MTURN: variants seen among roughly 807,000 people sequenced by gnomAD.
MTURN encodes the protein maturin.
MTURN carries 7 observed loss-of-function variants against 14.9 expected under a neutral mutation model. That is an observed-to-expected ratio of 0.47 (90% CI 0.27 to 0.88). MTURN has a LOEUF of 0.88. Among genes scored for constraint, MTURN ranks in the 40% least tolerant of loss-of-function variants. The pLI is 0.14. For missense variants in MTURN, 151 were observed against 174.1 expected, an observed-to-expected ratio of 0.87 and a Z score of 0.75; for synonymous variants, 69 against 72.5, an observed-to-expected ratio of 0.95 and a Z score of 0.25.
chr7:30,156,191 A>ACC (rs1322304076), intron 2 of MTURN, among the ~76,000 whole-genome samples: 1 of 152,238 alleles, frequency 6.6e-6, no homozygotes, highest in African/African-American at 2.4e-5. Context: ...CTAACCAAAG[A>ACC]CCAGCCAGTG....
In MTURN at chr7:30,162,141, G is replaced by A. The variant is rs1797384329; in HGVS notation, c.*4593G>A. On this transcript the variant is annotated 3_prime_UTR_variant, in exon 3 of 3. Coordinates refer to ENST00000324453, the MANE Select transcript of MTURN (RefSeq NM_152793.3). ...ACAAGCGATTAAAAGTAGATGCCAGGCCACATAAAAATAAATGTTTTAATT... is the reference window on the plus strand; with the variant it reads ...ACAAGCGATTAAAAGTAGATGCCAGACCACATAAAAATAAATGTTTTAATT... 6.6e-6 allele frequency: 1 copy of A among 150,940 alleles called. No individual in the cohort carries two copies. Among genetic ancestry groups the A allele is most frequent in the Non-Finnish European group, 1.5e-5 (1 of 68,014 alleles). The allele number at this position is 150,940 out of a possible 1,614,324, so 9.4% of individuals were successfully genotyped here. A position where few individuals can be genotyped will look rare whatever the true frequency, so the allele number is the denominator to read the frequency against.
intron 2 of MTURN, among the ~76,000 whole-genome samples, chr7:30,150,790 G>A (rs1797199922): frequency 6.6e-6 from 1 of 152,228 alleles, no homozygotes; most frequent in South Asian, 2.1e-4. Context: ...GGCTGCCTCA[G>A]CTCCGTTTCC....
intron 1 of MTURN, among the ~76,000 whole-genome samples, chr7:30,140,171 CA>C (rs1797026685): frequency 6.6e-6 from 1 of 152,096 alleles, no homozygotes; most frequent in South Asian, 2.1e-4. Flanking sequence ...CTGCCCAGCC[CA>C]TCTGGGGGCC....
chr7:30,153,433 C>A (rs2128033473), intron 2 of MTURN, among the ~76,000 whole-genome samples: 1 of 152,272 alleles, frequency 6.6e-6, no homozygotes, highest in East Asian at 1.9e-4. Context: ...AACATTGAAA[C>A]CTCCAGCTAA....
chr7:30,153,703 A>G (rs2128033523), intron 2 of MTURN, among the ~76,000 whole-genome samples: 1 of 150,826 alleles, frequency 6.6e-6, no homozygotes, highest in Admixed American at 6.6e-5. Flanking sequence ...GCTGTGCCAA[A>G]CCCCCTTTTT....
intron 2 of MTURN, among the ~76,000 whole-genome samples, chr7:30,155,716 A>G (rs1291063680): frequency 2.6e-5 from 4 of 152,224 alleles, no homozygotes; most frequent in Non-Finnish European, 5.9e-5. Flanking sequence ...GCAGAGTGTG[A>G]CCAACAATGC....
intron 1 of MTURN, chr7:30,145,662 C>CT (rs1797118095): frequency 1.6e-6 from 1 of 631,998 alleles, no homozygotes; most frequent in African/African-American, 1.8e-5. Flanking sequence ...GGTGGGTTCT[C>CT]TTAAGTTATT....
chr7:30,155,160 G>T lies in MTURN; in HGVS notation c.286-2278G>T, dbSNP rs35808228. On this transcript the variant is annotated intron_variant, in intron 2 of 2. Transcript: ENST00000324453. ...GCTAGTTGACCACAGTGTTTTCCACGGGGCCTCAGAATCCTGAAACTCCAG... is the reference window on the plus strand; with the variant it reads ...GCTAGTTGACCACAGTGTTTTCCACTGGGCCTCAGAATCCTGAAACTCCAG... 8.8e-3 allele frequency among the ~76,000 whole-genome samples: 1,334 copies of T among 152,200 alleles called. 9 individuals carry two copies. Among genetic ancestry groups the T allele is most frequent in the Non-Finnish European group, 0.014 (934 of 68,006 alleles).
At position 30,161,900 on chromosome 7, in the gene MTURN, G is replaced by C. The variant is rs1343422971; in HGVS notation, c.*4352G>C. On this transcript the variant is annotated 3_prime_UTR_variant, in exon 3 of 3. Transcript: ENST00000324453. ...TTTATAGAGAGTAATTCTGAAACCT[G>C]CCAGAATGCTGGTAGCCTGTGGTGT... 2.0e-5 allele frequency: 3 copies of C among 152,142 alleles called. No homozygotes were observed. The highest frequency in any genetic ancestry group is 7.2e-5 in the African/African-American group (3 of 41,436). The allele number at this position is 152,142 out of a possible 1,614,324, so 9.4% of individuals were successfully genotyped here.
Position 30,156,823 on chromosome 7 carries a change from C to CA in MTURN, c.286-603dup, listed in dbSNP as rs556587762. On this transcript the variant is annotated intron_variant, in intron 2 of 2. Coordinates refer to ENST00000324453, the MANE Select transcript of MTURN (RefSeq NM_152793.3). ...CTGGCAACAGAGCGAGACTCCCTCTCAAAAAAAAAAAACTCTGTCATAATA... is the reference window on the plus strand; with the variant it reads ...CTGGCAACAGAGCGAGACTCCCTCTCAAAAAAAAAAAAACTCTGTCATAATA... Among the ~76,000 whole-genome samples the CA allele has an allele frequency of 1.6e-3, 226 of 138,938 alleles. 1 individual carries two copies. The highest frequency in any genetic ancestry group is 1.7e-3 in the African/African-American group (64 of 38,060). The allele number at this position is 138,938 out of a possible 152,430, so 91.1% of individuals were successfully genotyped here. A position where few individuals can be genotyped will look rare whatever the true frequency, so the allele number is the denominator to read the frequency against.
chr7:30,144,316 G>A (rs1797096418), intron 1 of MTURN, among the ~76,000 whole-genome samples: 1 of 152,176 alleles, frequency 6.6e-6, no homozygotes, highest in South Asian at 2.1e-4. Context: ...AAATAAGCTG[G>A]AACTTTTACA....
rs907701621 is a variant in MTURN at position 30,161,806 on chromosome 7, T to G, written c.*4258T>G. ...TGAATTAAAAACTGATCCTTTTTCA[T>G]AAAGACCCAGTCACTTCTCCCAGTT... On this transcript the variant is annotated 3_prime_UTR_variant, in exon 3 of 3. Coordinates refer to ENST00000324453, the MANE Select transcript of MTURN (RefSeq NM_152793.3). 6.6e-6 allele frequency: 1 copy of G among 152,174 alleles called. No homozygotes were observed. Among genetic ancestry groups the G allele is most frequent in the Non-Finnish European group, 1.5e-5 (1 of 68,034 alleles). 9.4% of individuals were successfully genotyped at this position (152,174 alleles called of 1,614,324 possible). A position where few individuals can be genotyped will look rare whatever the true frequency, so the allele number is the denominator to read the frequency against.
Position 30,158,917 on chromosome 7 carries a change from G to A in MTURN, c.*1369G>A, listed in dbSNP as rs1424989206. 1 of 152,160 alleles carries A rather than the reference G, an allele frequency of 6.6e-6. No homozygotes were observed. The highest frequency in any genetic ancestry group is 1.5e-5 in the Non-Finnish European group (1 of 68,046). 9.4% of individuals were successfully genotyped at this position (152,160 alleles called of 1,614,324 possible). A position where few individuals can be genotyped will look rare whatever the true frequency, so the allele number is the denominator to read the frequency against. ...CACATGTGCCTGTTAGGTTGTGAAA[G>A]TTTTGAATTAAAAACAAGCAGTAGC... On this transcript the variant is annotated 3_prime_UTR_variant, in exon 3 of 3. Transcript: ENST00000324453.
In MTURN at chr7:30,157,768, A is replaced by G. The variant is rs534476015; in HGVS notation, c.*220A>G. ...TCACTCCCGCTTCAGTGGGGTTTCT[A>G]TGGAGTTGTCTTGGTAGCCTTTGCC... On this transcript the variant is annotated 3_prime_UTR_variant, in exon 3 of 3. Transcript: ENST00000324453. 1.3e-4 allele frequency: 37 copies of G among 295,976 alleles called. No homozygotes were observed. Among genetic ancestry groups the G allele is most frequent in the African/African-American group, 2.9e-4 (13 of 45,582 alleles). 18.3% of individuals were successfully genotyped at this position (295,976 alleles called of 1,614,324 possible). A position where few individuals can be genotyped will look rare whatever the true frequency, so the allele number is the denominator to read the frequency against.
At position 30,158,161 on chromosome 7, in the gene MTURN, A is replaced by G. The variant is rs532634432; in HGVS notation, c.*613A>G. ...CCATTACTGAGTTACCTGGGTATGT[A>G]GCGACTGGTTCGTGGTTAGGTGTAA... On this transcript the variant is annotated 3_prime_UTR_variant, in exon 3 of 3. Transcript: ENST00000324453. 3 of 152,400 alleles carry G rather than the reference A, an allele frequency of 2.0e-5. No homozygotes were observed. In the East Asian group the frequency reaches 5.8e-4, roughly 29 times the overall value. 9.4% of individuals were successfully genotyped at this position (152,400 alleles called of 1,614,324 possible). A position where few individuals can be genotyped will look rare whatever the true frequency, so the allele number is the denominator to read the frequency against.
chr7:30,139,988 A>C (rs1310767879), intron 1 of MTURN, among the ~76,000 whole-genome samples: 1 of 152,140 alleles, frequency 6.6e-6, no homozygotes, highest in East Asian at 1.9e-4. Context: ...GAGGGGTCCA[A>C]GGAGTCCTTT....
At chr7:30,139,596 C>A (rs1419527596) in intron 1 of MTURN, among the ~76,000 whole-genome samples, 3 of 152,164 alleles carry the variant, frequency 2.0e-5, no homozygotes, top group Non-Finnish European at 4.4e-5. Context: ...TTAAGAGATT[C>A]ATCCAGGACT....
chr7:30,161,282 G>C lies in MTURN; in HGVS notation c.*3734G>C, dbSNP rs555729582. The stretch of plus-strand genomic sequence containing the variant: ...AGGGAGAATGGGAGAGTTGGGGTCT[G>C]ACAGTTACCACCTGAGCCCCAGGAA... On this transcript the variant is annotated 3_prime_UTR_variant, in exon 3 of 3. Coordinates refer to ENST00000324453, the MANE Select transcript of MTURN (RefSeq NM_152793.3). 3 of 152,348 alleles carry C rather than the reference G, an allele frequency of 2.0e-5. No homozygotes were observed. The highest frequency in any genetic ancestry group is 3.4e-3 in the Middle Eastern group (1 of 294). 9.4% of individuals were successfully genotyped at this position (152,348 alleles called of 1,614,324 possible).
At chr7:30,136,588 G>A (rs1796966160) in intron 1 of MTURN, among the ~76,000 whole-genome samples, 1 of 152,124 alleles carries the variant, frequency 6.6e-6, no homozygotes, top group South Asian at 2.1e-4. Context: ...CGCCTTTCTT[G>A]GTCCTGGAGA....
Sources: allele counts gnomAD v4.1 joint callset (sites outside exome capture counted in the v4.1 genomes callset), GRCh38; gene constraint gnomAD v4.1.1; transcripts MANE v1.5; gene names NCBI Gene and HGNC (gene_info 2026-07-23, HGNC 2026-07-21).